The following EGLN1 variants were observed in gnomAD, a reference collection of about 807,000 sequenced individuals.
EGLN1 encodes egl-9 family hypoxia inducible factor 1, also known as egl nine homolog 1.
A neutral mutation model predicts 38.3 loss-of-function variants in EGLN1; 17 were observed. The ratio of observed to expected loss-of-function variants is 0.44; its 90% CI spans 0.30 to 0.67. The LOEUF is 0.67. EGLN1 is among the 30% of genes least tolerant of loss of function. EGLN1 has a pLI of 0.08. For synonymous variants in EGLN1, 283 were observed against 257.5 expected (o/e 1.10, Z -0.95); for missense variants, 477 against 603.3 (o/e 0.79, Z 2.19).
At chr1:231,410,350 G>C (rs1348922744) in intron 1 of EGLN1, among the ~76,000 whole-genome samples, 1 of 152,188 alleles carries the variant, frequency 6.6e-6, no homozygotes, top group Non-Finnish European at 1.5e-5. Context: ...AACCTGCCAA[G>C]AACTTAATGG....
chr1:231,404,906 C>G (rs541263973), intron 1 of EGLN1, among the ~76,000 whole-genome samples: 1 of 152,264 alleles, frequency 6.6e-6, no homozygotes, highest in South Asian at 2.1e-4. Flanking sequence ...AAATTCAGTT[C>G]AAGATGCCCT....
intron 1 of EGLN1, among the ~76,000 whole-genome samples, chr1:231,398,753 GA>G (rs898794304): frequency 7.2e-6 from 1 of 139,704 alleles, no homozygotes; most frequent in African/African-American, 2.5e-5. Context: ...GCTACTGGGG[GA>G]AAAAATACAC....
At chr1:231,400,157 T>C (rs1688628363) in intron 1 of EGLN1, among the ~76,000 whole-genome samples, 1 of 152,092 alleles carries the variant, frequency 6.6e-6, no homozygotes, top group African/African-American at 2.4e-5. Flanking sequence ...TAAATGTCCT[T>C]TGGGTATCTG....
At chr1:231,392,077 G>C (rs1290325596) in intron 1 of EGLN1, among the ~76,000 whole-genome samples, 3 of 152,100 alleles carry the variant, frequency 2.0e-5, no homozygotes, top group Non-Finnish European at 2.9e-5. Flanking sequence ...CACGAGGTCA[G>C]GAGATCAAGA....
chr1:231,413,159 T>G (rs1688995893), intron 1 of EGLN1, among the ~76,000 whole-genome samples: 2 of 152,090 alleles, frequency 1.3e-5, no homozygotes, highest in African/African-American at 4.8e-5. Context: ...CACTGCAAGC[T>G]CCACCTCCTG....
intron 1 of EGLN1, among the ~76,000 whole-genome samples, chr1:231,390,541 A>G (rs1688340046): frequency 6.6e-6 from 1 of 152,236 alleles, no homozygotes; most frequent in Non-Finnish European, 1.5e-5. Flanking sequence ...GTGGTCAGAT[A>G]GACTGTGAAC....
chr1:231,404,663 A>C (rs1427412211), intron 1 of EGLN1, among the ~76,000 whole-genome samples: 1 of 152,122 alleles, frequency 6.6e-6, no homozygotes, highest in Non-Finnish European at 1.5e-5. Context: ...GTGAGATTTG[A>C]TCCAATCATT....
At chr1:231,366,598 G>T in intron 4 of EGLN1, 123 bp from the exon 5 acceptor site, 1 of 970,456 alleles carries the variant, frequency 1.0e-6, no homozygotes, top group Non-Finnish European at 1.6e-6. Flanking sequence ...CATCATCTGA[G>T]AACTATCACG....
chr1:231,396,096 T>C (rs901124194), intron 1 of EGLN1, among the ~76,000 whole-genome samples: 7 of 151,776 alleles, frequency 4.6e-5, no homozygotes, highest in South Asian at 2.1e-4. Flanking sequence ...ACCCTCTCTA[T>C]AGTGTTTGGT....
intron 1 of EGLN1, among the ~76,000 whole-genome samples, chr1:231,378,609 C>G (rs1688012242): frequency 6.6e-6 from 1 of 152,014 alleles, no homozygotes; most frequent in Non-Finnish European, 1.5e-5. Flanking sequence ...TGAGAATGTT[C>G]TTAAGATAGG....
chr1:231,371,108 T>C (rs1687811114), intron 2 of EGLN1, among the ~76,000 whole-genome samples: 1 of 152,214 alleles, frequency 6.6e-6, no homozygotes, highest in African/African-American at 2.4e-5. Context: ...CAGGCTGGAC[T>C]CGAACTCCTG....
At chr1:231,390,454 C>T (rs1419221862) in intron 1 of EGLN1, among the ~76,000 whole-genome samples, 2 of 152,188 alleles carry the variant, frequency 1.3e-5, no homozygotes. Context: ...GTGTAAATGT[C>T]TACTACTATT....
chr1:231,421,581 G>A lies in EGLN1; in HGVS notation c.308C>T (p.Ala103Val), dbSNP rs1038218629. ...PRKAAARRDNASGDAAKGKVK... is the reference protein window; with the variant it reads ...PRKAAARRDNVSGDAAKGKVK... ...TTTTCCCTTGGCCGCGTCCCCGGAG[G>A]CGTTGTCCCGGCGCGCCGCTGCCTT... Residue 103 changes from alanine to valine, a missense_variant, in exon 1 of 5, where the codon GCC (alanine) becomes GTC (valine). Physicochemically the swap from Ala to Val is moderately conservative, Grantham distance 64. This residue lies in a region of EGLN1 where 298 missense variants were observed against 288.9 expected (regional missense o/e 1.03). Coordinates refer to ENST00000366641, the MANE Select transcript of EGLN1 (RefSeq NM_022051.3). This position sits in a 1 kb window ranked among gnomAD's most constrained non-coding sequence, Gnocchi z 5.5. 7.6e-7 allele frequency: 1 copy of A among 1,316,738 alleles called. No individual in the cohort carries two copies. Among genetic ancestry groups the A allele is most frequent in the East Asian group, 3.1e-5 (1 of 31,782 alleles). 81.6% of individuals were successfully genotyped at this position (1,316,738 alleles called of 1,614,324 possible).
chr1:231,392,040 C>T (rs538428467), intron 1 of EGLN1, among the ~76,000 whole-genome samples: 3 of 152,272 alleles, frequency 2.0e-5, no homozygotes, highest in Middle Eastern at 3.4e-3. Context: ...GTAATCCCAG[C>T]GCTTTGGGAG....
At chr1:231,416,280 TGA>T (rs1325803225) in intron 1 of EGLN1, among the ~76,000 whole-genome samples, 1 of 152,002 alleles carries the variant, frequency 6.6e-6, no homozygotes, top group East Asian at 1.9e-4. Context: ...ATTACAGGGG[TGA>T]GTTACCACAT....
At chr1:231,418,415 T>C (rs1309792140) in intron 1 of EGLN1, among the ~76,000 whole-genome samples, 8 of 152,214 alleles carry the variant, frequency 5.3e-5, no homozygotes, top group Non-Finnish European at 7.3e-5. Flanking sequence ...GTTCTACCTA[T>C]AACTAGCGTA....
chr1:231,415,336 C>T (rs933930323), intron 1 of EGLN1, among the ~76,000 whole-genome samples: 1 of 149,656 alleles, frequency 6.7e-6, no homozygotes, highest in Non-Finnish European at 1.5e-5. Flanking sequence ...TATAAAGTTA[C>T]AGATATGAAT....
At chr1:231,373,864 T>C (rs1687891584) in intron 2 of EGLN1, 116 bp downstream of exon 2, 2 of 1,271,054 alleles carry the variant, frequency 1.6e-6, no homozygotes, top group African/African-American at 3.0e-5. Flanking sequence ...TGAAACAAAT[T>C]TAAGAGGAAA....
At chr1:231,377,388 C>T (rs992870817) in intron 1 of EGLN1, among the ~76,000 whole-genome samples, 1 of 152,130 alleles carries the variant, frequency 6.6e-6, no homozygotes, top group Non-Finnish European at 1.5e-5. Flanking sequence ...TTAAAGTTTC[C>T]GGGCAAGAAA....
Sources: gnomAD v4.1 joint callset for allele counts (sites outside exome capture counted in the v4.1 genomes callset) on GRCh38, gnomAD v4.1.1 for gene constraint, gnomAD v4.1.1 regional missense constraint, Gnocchi (gnomAD v3.1) non-coding constraint, MANE v1.5 for transcripts, NCBI Gene and HGNC (gene_info 2026-07-23, HGNC 2026-07-21) for gene names.